CD109: variants seen among roughly 807,000 people sequenced by gnomAD.
The protein encoded by CD109 is CD109 antigen.
In CD109, 149 loss-of-function variants were observed where a neutral mutation model predicts 165.8. That is an observed-to-expected ratio of 0.90 (90% CI 0.79 to 1.03). The LOEUF (loss-of-function observed/expected upper bound fraction) is 1.03. CD109 is among the 50% of genes least tolerant of loss of function. The pLI, the probability that CD109 is intolerant of heterozygous loss-of-function variation, is 0.00. For missense variants in CD109, 1,712 were observed against 1,677.8 expected (o/e 1.02, Z -0.36); for synonymous variants, 585 against 592.1 (o/e 0.99, Z 0.18).
Position 73,756,707 on chromosome 6 carries a change from G to A in CD109, c.673+25G>A, listed in dbSNP as rs552914327. 1.4e-5 allele frequency: 21 copies of A among 1,461,396 alleles called. 1 individual carries two copies. The South Asian group carries it at 2.4e-4, about 17-fold the overall frequency. The allele number at this position is 1,461,396 out of a possible 1,614,324, so 90.5% of individuals were successfully genotyped here. ...GGTAAGAGTTCCTCAATCTATTTTG[G>A]AAGAAAAAAACATTTGTTACTTTCA... On this transcript the variant is annotated intron_variant, in intron 6 of 32. Transcript: ENST00000287097.
chr6:73,815,510 T>G (rs768130304), intron 30 of CD109, among the ~76,000 whole-genome samples: 5 of 152,200 alleles, frequency 3.3e-5, no homozygotes, highest in Non-Finnish European at 7.4e-5. Context: ...ACCTTAACTG[T>G]TAGGCATTTA....
chr6:73,709,952 A>G (rs199789603), intron 2 of CD109, among the ~76,000 whole-genome samples: 1 of 152,230 alleles, frequency 6.6e-6, no homozygotes, highest in East Asian at 1.9e-4. Context: ...AAAAATAATA[A>G]GAGCTATTCA....
At chr6:73,811,365 G>A (rs1482349540) in intron 28 of CD109, among the ~76,000 whole-genome samples, 1 of 152,080 alleles carries the variant, frequency 6.6e-6, no homozygotes, top group Non-Finnish European at 1.5e-5. Context: ...CACGGGCACT[G>A]TAACATTGGG....
chr6:73,745,313 C>T (rs1397360880), intron 5 of CD109, among the ~76,000 whole-genome samples: 1 of 152,110 alleles, frequency 6.6e-6, no homozygotes, highest in Non-Finnish European at 1.5e-5. Flanking sequence ...CCATGTTGGC[C>T]AGGCTGGTCT....
At chr6:73,700,353 T>C (rs1331686187) in intron 2 of CD109, among the ~76,000 whole-genome samples, 1 of 152,076 alleles carries the variant, frequency 6.6e-6, no homozygotes, top group African/African-American at 2.4e-5. Context: ...CCCGAAGTGC[T>C]GGGATTATGG....
chr6:73,808,381 A>T (rs1775644721), intron 26 of CD109, 133 bp downstream of exon 26: 1 of 851,658 alleles, frequency 1.2e-6, no homozygotes, highest in Non-Finnish European at 1.8e-6. Context: ...TAATGAGATC[A>T]GGATGGGCCT....
chr6:73,809,357 T>C (rs1384755409), intron 26 of CD109, among the ~76,000 whole-genome samples: 2 of 152,136 alleles, frequency 1.3e-5, no homozygotes, highest in Non-Finnish European at 2.9e-5. Context: ...TTTCAATGTG[T>C]CTTAAAATAT....
intron 3 of CD109, among the ~76,000 whole-genome samples, chr6:73,726,280 T>G (rs9447001): frequency 0.29 from 44,210 of 152,082 alleles, 6,638 homozygotes; most frequent in Admixed American, 0.35. Context: ...TTCAAGACAC[T>G]AAAATAACCC....
chr6:73,743,948 A>C (rs1484845705), intron 5 of CD109, among the ~76,000 whole-genome samples: 1 of 152,242 alleles, frequency 6.6e-6, no homozygotes, highest in Non-Finnish European at 1.5e-5. Context: ...GGCAGAGCTC[A>C]GCACTTTCTC....
intron 6 of CD109, among the ~76,000 whole-genome samples, chr6:73,758,032 G>A (rs1757840664): frequency 6.6e-6 from 1 of 152,028 alleles, no homozygotes; most frequent in South Asian, 2.1e-4. Context: ...GAGGCATTTG[G>A]ATTTTCTTGG....
intron 23 of CD109, among the ~76,000 whole-genome samples, chr6:73,797,803 T>C (rs1480286848): frequency 6.6e-6 from 1 of 152,188 alleles, no homozygotes; most frequent in African/African-American, 2.4e-5. Context: ...GAACAGGATG[T>C]GTCTTATCTG....
rs376074654 is a variant in CD109, at chr6:73,800,018, A to AT, written c.2879-3192dup. Reference sequence around the variant, plus strand: ...ACTACAGGCACATGCCACCATGCTAATTTTTTTTTTGTATTTTTGTAGAGA... The same window carrying AT: ...ACTACAGGCACATGCCACCATGCTAATTTTTTTTTTTGTATTTTTGTAGAGA... On this transcript the variant is annotated intron_variant, in intron 23 of 32. Coordinates refer to ENST00000287097, the MANE Select transcript of CD109 (RefSeq NM_133493.5). Among the ~76,000 whole-genome samples the AT allele has an allele frequency of 6.3e-3, 937 of 148,954 alleles. 14 individuals are homozygous for AT. Among genetic ancestry groups the AT allele is most frequent in the African/African-American group, 0.021 (871 of 40,630 alleles).
chr6:73,723,295 A>G lies in CD109; in HGVS notation c.276+16A>G, dbSNP rs747212067. ...TCTTCCATCAGTAAGTATCCATTTAAAAAATTTGGTTTCAGAAATATATTG... is the reference window on the plus strand; with the variant it reads ...TCTTCCATCAGTAAGTATCCATTTAGAAAATTTGGTTTCAGAAATATATTG... On this transcript the variant is annotated intron_variant, in intron 3 of 32. Coordinates refer to ENST00000287097, the MANE Select transcript of CD109 (RefSeq NM_133493.5). 2.9e-5 allele frequency: 47 copies of G among 1,604,456 alleles called. No individual in the cohort carries two copies. Among genetic ancestry groups the G allele is most frequent in the Non-Finnish European group, 4.0e-5 (47 of 1,174,246 alleles).
At chr6:73,813,799 A>T (rs1775834413) in intron 29 of CD109, among the ~76,000 whole-genome samples, 1 of 152,146 alleles carries the variant, frequency 6.6e-6, no homozygotes, top group South Asian at 2.1e-4. Flanking sequence ...GATGGGCATT[A>T]ATTATGACCC....
chr6:73,682,867 C>G, the CD109 span, among the ~76,000 whole-genome samples: 1 of 151,122 alleles, frequency 6.6e-6, no homozygotes, highest in South Asian at 2.1e-4. Flanking sequence ...GAAACCACGG[C>G]CCGAGCTCTA....
At chr6:73,751,249 G>A (rs1314715310) in intron 5 of CD109, among the ~76,000 whole-genome samples, 1 of 152,156 alleles carries the variant, frequency 6.6e-6, no homozygotes, top group Non-Finnish European at 1.5e-5. Flanking sequence ...GGCTAAGACG[G>A]CATTTAAAAC....
intron 10 of CD109, among the ~76,000 whole-genome samples, chr6:73,764,155 G>A (rs1773746133): frequency 6.6e-6 from 1 of 152,136 alleles, no homozygotes; most frequent in African/African-American, 2.4e-5. Flanking sequence ...TGTTGGGCAG[G>A]GCTATAGAGC....
At chr6:73,765,366 G>T (rs973877075) in intron 10 of CD109, among the ~76,000 whole-genome samples, 6 of 144,646 alleles carry the variant, frequency 4.1e-5, no homozygotes, top group African/African-American at 1.5e-4. Context: ...GAGAGGGAGG[G>T]AAAATTCAGA....
At position 73,803,215 on chromosome 6, in the gene CD109, T is replaced by A; in HGVS notation, c.2879-5T>A. 6.2e-7 allele frequency: 1 copy of A among 1,604,618 alleles called. No homozygotes were observed. Among genetic ancestry groups the A allele is most frequent in the Non-Finnish European group, 8.5e-7 (1 of 1,172,254 alleles). ...CTTTGACTATCTGTCTATTTTTGTG[T>A]CTAGGTTACCAGAGAGAACTTCTCT... On this transcript the variant is annotated splice_polypyrimidine_tract_variant and splice_region_variant and intron_variant, in intron 23 of 32. Coordinates refer to ENST00000287097, the MANE Select transcript of CD109 (RefSeq NM_133493.5).
Sources: gnomAD v4.1 joint callset for allele counts (sites outside exome capture counted in the v4.1 genomes callset) on GRCh38, gnomAD v4.1.1 for gene constraint, MANE v1.5 for transcripts, NCBI Gene and HGNC (gene_info 2026-07-23, HGNC 2026-07-21) for gene names.